CHRM2: variants seen among roughly 807,000 people sequenced by gnomAD.
The protein encoded by CHRM2 is cholinergic receptor muscarinic 2.
CHRM2 carries 8 observed loss-of-function variants against 25.0 expected under a neutral mutation model. That is an observed-to-expected ratio of 0.32 (90% CI 0.19 to 0.58). The LOEUF is 0.58. Among genes scored for constraint, CHRM2 ranks in the 20% least tolerant of loss-of-function variants. The probability of loss-of-function intolerance (pLI) is 0.88; values close to 1 mark genes in which losing one functional copy is unlikely to be tolerated. For missense variants in CHRM2, 440 were observed against 567.1 expected, an observed-to-expected ratio of 0.78 and a Z score of 2.28; for synonymous variants, 202 against 205.7, an observed-to-expected ratio of 0.98 and a Z score of 0.15.
At chr7:136,967,486 C>A (rs1309852648) in intron 2 of CHRM2, among the ~76,000 whole-genome samples, 1 of 151,788 alleles carries the variant, frequency 6.6e-6, no homozygotes, top group Non-Finnish European at 1.5e-5. Flanking sequence ...TTAAAGAAGT[C>A]CAAAATATTG....
chr7:137,015,588 G>A lies in CHRM2; in HGVS notation c.723G>A (p.Val241=). ...CAAGTCTGGTACAAGGAAGGATAGT[G>A]AAGCCAAACAATAACAACATGCCCA... ...VSPSLVQGRI[V]KPNNNNMPSS... is the part of the protein sequence containing the mutation. The change falls in exon 4 of 4, where the codon GTG becomes GTA. Residue 241 remains valine, a synonymous_variant. Transcript: ENST00000680005. The surrounding 1 kb of genome is among the most constrained non-coding windows in gnomAD (Gnocchi z 5.1). The A allele has an allele frequency of 3.7e-6, 6 of 1,612,898 alleles. No individual in the cohort carries two copies. Among genetic ancestry groups the A allele is most frequent in the South Asian group, 1.1e-5 (1 of 91,046 alleles).
At chr7:136,980,712 G>T (rs147608295) in intron 2 of CHRM2, among the ~76,000 whole-genome samples, 36 of 152,142 alleles carry the variant, frequency 2.4e-4, no homozygotes, top group Non-Finnish European at 3.5e-4. Context: ...ATGTGGTTTT[G>T]TCATTGGTTC....
At chr7:136,969,954 T>C (rs1358139703) in intron 2 of CHRM2, among the ~76,000 whole-genome samples, 1 of 152,170 alleles carries the variant, frequency 6.6e-6, no homozygotes, top group Non-Finnish European at 1.5e-5. Flanking sequence ...GCCAATTCAG[T>C]TCCTGGTGAG....
chr7:136,945,527 C>G lies in CHRM2; in HGVS notation c.-124-46660C>G, dbSNP rs566876401. Among the ~76,000 whole-genome samples, 70 of 152,188 alleles carry G rather than the reference C, an allele frequency of 4.6e-4. 1 individual carries two copies. The South Asian group carries it at 8.1e-3, about 18-fold the overall frequency. On this transcript the variant is annotated intron_variant, in intron 2 of 3. Coordinates refer to ENST00000680005, the MANE Select transcript of CHRM2 (RefSeq NM_001006630.2). ...TGTTTGTGTTTGCTTTCTTGAAGAT[C>G]AGTTGACTGTAAGTATTTGGCTTTA...
intron 2 of CHRM2, among the ~76,000 whole-genome samples, chr7:136,938,050 T>C (rs1216847738): frequency 1.3e-5 from 2 of 152,062 alleles, no homozygotes; most frequent in Non-Finnish European, 2.9e-5. Context: ...CTGAACGTAA[T>C]GGTGTATGAG....
intron 2 of CHRM2, among the ~76,000 whole-genome samples, chr7:136,985,658 C>T (rs1450259778): frequency 1.3e-5 from 2 of 152,088 alleles, no homozygotes; most frequent in Non-Finnish European, 2.9e-5. Context: ...CCTAGATTAG[C>T]ATCTTACAAT....
At chr7:136,949,184 A>G (rs1800242756) in intron 2 of CHRM2, among the ~76,000 whole-genome samples, 1 of 152,160 alleles carries the variant, frequency 6.6e-6, no homozygotes, top group Non-Finnish European at 1.5e-5. Context: ...TATTTAATAC[A>G]CTACAGATAA....
chr7:136,942,698 A>G (rs1465877331), intron 2 of CHRM2, among the ~76,000 whole-genome samples: 1 of 152,022 alleles, frequency 6.6e-6, no homozygotes, highest in African/African-American at 2.4e-5. Flanking sequence ...GCTTCTCATC[A>G]TCTTCTGTGG....
chr7:136,874,254 A>C (rs1003325865), intron 2 of CHRM2, among the ~76,000 whole-genome samples: 11 of 152,190 alleles, frequency 7.2e-5, no homozygotes, highest in Non-Finnish European at 1.3e-4. Flanking sequence ...GAAAAGTATA[A>C]TGTTACTTTG....
At chr7:136,928,834 T>C (rs1798893144) in intron 2 of CHRM2, among the ~76,000 whole-genome samples, 1 of 152,218 alleles carries the variant, frequency 6.6e-6, no homozygotes. Context: ...ATTGAGGTTT[T>C]GGCCACTATT....
intron 2 of CHRM2, among the ~76,000 whole-genome samples, chr7:136,918,432 T>C (rs2130721218): frequency 6.6e-6 from 1 of 152,212 alleles, no homozygotes; most frequent in Non-Finnish European, 1.5e-5. Flanking sequence ...CTTAAAACTA[T>C]ACTTAAATTC....
At chr7:136,872,482 C>G (rs1187943369) in intron 2 of CHRM2, among the ~76,000 whole-genome samples, 1 of 152,170 alleles carries the variant, frequency 6.6e-6, no homozygotes, top group Admixed American at 6.5e-5. Context: ...GACCCTATCG[C>G]CTTCATTGCC....
chr7:136,943,182 T>C (rs1041165875), intron 2 of CHRM2, among the ~76,000 whole-genome samples: 1 of 152,212 alleles, frequency 6.6e-6, no homozygotes, highest in Non-Finnish European at 1.5e-5. Flanking sequence ...AGCTGTCATC[T>C]GCCTCCTGGT....
At chr7:136,914,411 T>C (rs1403706011) in intron 2 of CHRM2, 3 of 151,956 alleles carry the variant, frequency 2.0e-5, no homozygotes, top group African/African-American at 7.2e-5. Context: ...CAGAGCTCTT[T>C]GGAAAGTACT....
At chr7:136,890,864 T>G (rs1242487274) in intron 2 of CHRM2, among the ~76,000 whole-genome samples, 1 of 152,178 alleles carries the variant, frequency 6.6e-6, no homozygotes, top group Non-Finnish European at 1.5e-5. Context: ...TGTATGTGTA[T>G]GTTTGTATAT....
At chr7:136,935,405 C>T (rs7806357) in intron 2 of CHRM2, among the ~76,000 whole-genome samples, 61,408 of 151,938 alleles carry the variant, frequency 0.4, 13,962 homozygotes, top group African/African-American at 0.62. Flanking sequence ...GTAGATTAGA[C>T]GATCGTTTGA....
chr7:136,888,393 G>A (rs1042350711), intron 2 of CHRM2, among the ~76,000 whole-genome samples: 2 of 152,190 alleles, frequency 1.3e-5, no homozygotes, highest in Non-Finnish European at 2.9e-5. Flanking sequence ...CCTTGCTTCA[G>A]CCTATGGGAA....
chr7:136,897,377 A>G (rs1796961197), intron 2 of CHRM2, among the ~76,000 whole-genome samples: 1 of 152,092 alleles, frequency 6.6e-6, no homozygotes, highest in South Asian at 2.1e-4. Context: ...ACAACTTGCT[A>G]TTGCATATAT....
At chr7:136,926,754 T>C (rs17497143) in intron 2 of CHRM2, among the ~76,000 whole-genome samples, 36,347 of 152,134 alleles carry the variant, frequency 0.24, 5,715 homozygotes, top group Non-Finnish European at 0.35. Flanking sequence ...TACTATATAC[T>C]CTGCTGTGAG....
Sources: gnomAD v4.1 joint callset for allele counts (sites outside exome capture counted in the v4.1 genomes callset) on GRCh38, gnomAD v4.1.1 for gene constraint, Gnocchi (gnomAD v3.1) non-coding constraint, MANE v1.5 for transcripts, NCBI Gene and HGNC (gene_info 2026-07-23, HGNC 2026-07-21) for gene names.